Variants in SEMA3C observed in about 807,000 individuals in gnomAD.
SEMA3C encodes semaphorin-3C.
Under a neutral mutation model 89.4 loss-of-function variants are expected in SEMA3C, and 47 were observed. The observed-to-expected ratio is 0.53, with a 90% CI of 0.42 to 0.67. The LOEUF (loss-of-function observed/expected upper bound fraction) is 0.67. Among genes scored for constraint, SEMA3C ranks in the 30% least tolerant of loss-of-function variants. The probability of loss-of-function intolerance (pLI) is 0.00; values close to 1 mark genes in which losing one functional copy is unlikely to be tolerated. For missense variants in SEMA3C, 839 were observed against 929.1 expected (o/e 0.90, Z 1.26); for synonymous variants, 310 against 320.2 (o/e 0.97, Z 0.34).
rs899172764 is a variant in SEMA3C at position 80,742,861 on chromosome 7, T to C, written c.*2033A>G. 1 of 152,008 alleles carries C rather than the reference T, an allele frequency of 6.6e-6. No individual in the cohort carries two copies. Among genetic ancestry groups the C allele is most frequent in the Non-Finnish European group, 1.5e-5 (1 of 67,868 alleles). 9.4% of individuals were successfully genotyped at this position (152,008 alleles called of 1,614,324 possible). A position where few individuals can be genotyped will look rare whatever the true frequency, so the allele number is the denominator to read the frequency against. ...TTTTCTTTTACATTCAGCAGAGTTA[T>C]GTTCATGAAGAATTTCTACATTTTT... On this transcript the variant is annotated 3_prime_UTR_variant, in exon 18 of 18. Transcript: ENST00000265361.
At chr7:80,883,003 G>A (rs1791384658) in intron 2 of SEMA3C, among the ~76,000 whole-genome samples, 1 of 152,046 alleles carries the variant, frequency 6.6e-6, no homozygotes, top group South Asian at 2.1e-4. Context: ...AGATACAAAA[G>A]AGGATGCCAT....
intron 2 of SEMA3C, among the ~76,000 whole-genome samples, chr7:80,914,381 G>T (rs1035440463): frequency 2.0e-5 from 3 of 150,414 alleles, no homozygotes; most frequent in African/African-American, 7.3e-5. Flanking sequence ...TAATAAATTT[G>T]AACAGGCATT....
At chr7:80,883,753 T>C (rs1294777616) in intron 2 of SEMA3C, among the ~76,000 whole-genome samples, 2 of 152,198 alleles carry the variant, frequency 1.3e-5, no homozygotes, top group African/African-American at 4.8e-5. Flanking sequence ...TCCTTCAGAG[T>C]ATCAAAGCAC....
At chr7:80,830,413 T>A (rs1007495218) in intron 2 of SEMA3C, among the ~76,000 whole-genome samples, 1 of 152,208 alleles carries the variant, frequency 6.6e-6, no homozygotes, top group African/African-American at 2.4e-5. Context: ...GTTTGGATCA[T>A]GATTTTTAAG....
chr7:80,889,306 T>C (rs905606778), intron 2 of SEMA3C, among the ~76,000 whole-genome samples: 2 of 152,242 alleles, frequency 1.3e-5, no homozygotes, highest in Non-Finnish European at 2.9e-5. Context: ...AGGAATAAGA[T>C]GTAGTAAAAT....
At chr7:80,913,556 G>A (rs1254968371) in intron 2 of SEMA3C, among the ~76,000 whole-genome samples, 4 of 152,170 alleles carry the variant, frequency 2.6e-5, no homozygotes, top group African/African-American at 9.7e-5. Context: ...TGCAAGATTG[G>A]CCAATATTAA....
At chr7:80,874,545 C>T (rs577681922) in intron 2 of SEMA3C, among the ~76,000 whole-genome samples, 25 of 152,020 alleles carry the variant, frequency 1.6e-4, no homozygotes, top group African/African-American at 6.0e-4. Flanking sequence ...TGGCTCACTA[C>T]AACCTCCGCC....
chr7:80,866,572 T>G (rs1392825785), intron 2 of SEMA3C, among the ~76,000 whole-genome samples: 1 of 152,198 alleles, frequency 6.6e-6, no homozygotes, highest in African/African-American at 2.4e-5. Context: ...ATGACGGCTA[T>G]GCATAATTAT....
intron 2 of SEMA3C, among the ~76,000 whole-genome samples, chr7:80,901,118 A>C (rs984612830): frequency 6.6e-6 from 1 of 152,190 alleles, no homozygotes. Flanking sequence ...TTGGTGGATG[A>C]ACTCCAGAAA....
At chr7:80,913,561 T>C (rs1186601275) in intron 2 of SEMA3C, among the ~76,000 whole-genome samples, 1 of 152,178 alleles carries the variant, frequency 6.6e-6, no homozygotes, top group Non-Finnish European at 1.5e-5. Flanking sequence ...GATTGGCCAA[T>C]ATTAACTAAG....
chr7:80,842,910 C>T (rs1371303448), intron 2 of SEMA3C, among the ~76,000 whole-genome samples: 1 of 152,092 alleles, frequency 6.6e-6, no homozygotes, highest in Non-Finnish European at 1.5e-5. Flanking sequence ...ACTCTGCAAG[C>T]TTTGTTACTT....
At chr7:80,798,017 C>A in intron 11 of SEMA3C, 75 bp downstream of exon 11, 3 of 1,441,478 alleles carry the variant, frequency 2.1e-6, no homozygotes, top group Non-Finnish European at 1.9e-6. Context: ...CCCCAAAAAA[C>A]CCCACAGATA....
intron 4 of SEMA3C, among the ~76,000 whole-genome samples, chr7:80,821,766 C>A (rs1190630134): frequency 6.6e-6 from 1 of 152,096 alleles, no homozygotes; most frequent in South Asian, 2.1e-4. Context: ...TTTATCAATA[C>A]TCCATTTTAG....
chr7:80,765,768 G>A (rs1788286560), intron 12 of SEMA3C, among the ~76,000 whole-genome samples: 2 of 151,956 alleles, frequency 1.3e-5, no homozygotes, highest in Admixed American at 6.6e-5. Flanking sequence ...AGTAGAGACG[G>A]GGGTTTCACC....
At chr7:80,799,830 G>A (rs1416423254) in intron 10 of SEMA3C, among the ~76,000 whole-genome samples, 1 of 150,392 alleles carries the variant, frequency 6.6e-6, no homozygotes, top group Non-Finnish European at 1.5e-5. Flanking sequence ...CTCCAGCCTG[G>A]GCAGCAGAGC....
chr7:80,767,081 A>G (rs1399447242), intron 12 of SEMA3C, among the ~76,000 whole-genome samples: 1 of 152,066 alleles, frequency 6.6e-6, no homozygotes, highest in Non-Finnish European at 1.5e-5. Flanking sequence ...GCACAACTGT[A>G]TTTTTCTTCC....
intron 2 of SEMA3C, among the ~76,000 whole-genome samples, chr7:80,908,058 T>C (rs982900561): frequency 1.1e-4 from 17 of 152,164 alleles, no homozygotes; most frequent in Non-Finnish European, 4.4e-5. Context: ...ACCACTTTGC[T>C]ACTACTCACT....
At chr7:80,813,255 A>G (rs959183032) in intron 5 of SEMA3C, among the ~76,000 whole-genome samples, 5 of 152,176 alleles carry the variant, frequency 3.3e-5, no homozygotes, top group Admixed American at 6.5e-5. Flanking sequence ...CCAAACTACT[A>G]AACATTTTGT....
intron 2 of SEMA3C, among the ~76,000 whole-genome samples, chr7:80,876,018 C>T (rs1382884654): frequency 6.6e-6 from 1 of 152,002 alleles, no homozygotes; most frequent in African/African-American, 2.4e-5. Context: ...ATGATAACTA[C>T]TTAGCACGGA....
Sources: allele counts gnomAD v4.1 joint callset (sites outside exome capture counted in the v4.1 genomes callset), GRCh38; gene constraint gnomAD v4.1.1; transcripts MANE v1.5; gene names NCBI Gene and HGNC (gene_info 2026-07-23, HGNC 2026-07-21).